RALGAPA1: variants seen among roughly 807,000 people sequenced by gnomAD.
The protein encoded by RALGAPA1 is Ral GTPase activating protein catalytic subunit alpha 1, also known as ral GTPase-activating protein subunit alpha-1.
RALGAPA1 carries 52 observed loss-of-function variants against 269.6 expected under a neutral mutation model. The observed-to-expected ratio is 0.19, with a 90% confidence interval of 0.15 to 0.24. The LOEUF is 0.24. Ranked by LOEUF, RALGAPA1 falls within the 10% of genes least tolerant of loss-of-function variation. The pLI is 1.00. For missense variants in RALGAPA1, 1,917 were observed against 3,013.9 expected (o/e 0.64, Z 8.52); for synonymous variants, 817 against 1,008.3 (o/e 0.81, Z 3.60).
chr14:35,652,545 C>T (rs865847190), intron 30 of RALGAPA1, among the ~76,000 whole-genome samples: 17 of 152,178 alleles, frequency 1.1e-4, no homozygotes, highest in Middle Eastern at 3.4e-3. Flanking sequence ...GCTGGGATTA[C>T]AGGTGTGGGC....
intron 16 of RALGAPA1, chr14:35,716,162 G>C (rs1469927049): frequency 1.2e-6 from 1 of 829,036 alleles, no homozygotes; most frequent in African/African-American, 1.9e-5. Flanking sequence ...GGGAGGCCGA[G>C]GAGGGTGGAT....
chr14:35,602,429 C>T (rs890350550), intron 36 of RALGAPA1, among the ~76,000 whole-genome samples: 2 of 152,142 alleles, frequency 1.3e-5, no homozygotes, highest in Non-Finnish European at 2.9e-5. Context: ...TACATACCTA[C>T]TAGCAGTGTA....
chr14:35,698,695 A>G (rs972062946), intron 17 of RALGAPA1, among the ~76,000 whole-genome samples: 1 of 152,184 alleles, frequency 6.6e-6, no homozygotes, highest in East Asian at 1.9e-4. Context: ...GGAGCAAAAA[A>G]TGTATCCAAG....
At chr14:35,727,654 T>C (rs994957007) in intron 13 of RALGAPA1, among the ~76,000 whole-genome samples, 1 of 151,816 alleles carries the variant, frequency 6.6e-6, no homozygotes, top group Non-Finnish European at 1.5e-5. Context: ...CTTCTAGGGG[T>C]TCTCAGTTCT....
rs180958635 is a variant in RALGAPA1, at chr14:35,621,633, C to T, written c.6929+3728G>A. 2.7e-3 allele frequency among the ~76,000 whole-genome samples: 410 copies of T among 152,036 alleles called. 2 individuals are homozygous for T. Among genetic ancestry groups the T allele is most frequent in the African/African-American group, 7.1e-3 (294 of 41,490 alleles). On this transcript the variant is annotated intron_variant, in intron 35 of 41. Transcript: ENST00000680220. ...TACCCTTCTGACAAAGGGCTAATAC[C>T]CAGAATCTACAATGAACTCAAACAA...
intron 35 of RALGAPA1, among the ~76,000 whole-genome samples, chr14:35,607,241 C>T (rs2059655394): frequency 2.0e-5 from 3 of 152,224 alleles, no homozygotes; most frequent in Admixed American, 6.5e-5. Flanking sequence ...CCTTGCCCCA[C>T]TCCCTCAGCT....
At chr14:35,713,213 T>A (rs1008741346) in intron 16 of RALGAPA1, among the ~76,000 whole-genome samples, 1 of 152,220 alleles carries the variant, frequency 6.6e-6, no homozygotes, top group East Asian at 1.9e-4. Flanking sequence ...AGTGGTGTAC[T>A]GGACCAAGAT....
chr14:35,627,563 C>G lies in RALGAPA1; in HGVS notation c.6384G>C (p.Leu2128Phe), dbSNP rs774057439. Reference sequence around the variant, plus strand: ...AAAGCATGAAAGATGTAGGTTCTGACAAGCCACTTACAGGAGGTGGGCCAT... The same window carrying G: ...AAAGCATGAAAGATGTAGGTTCTGAGAAGCCACTTACAGGAGGTGGGCCAT... ...ILYGPPPVSG[L>F]SEPTSFMLSL... Residue 2128 changes from leucine (L) to phenylalanine (F), a missense_variant, in exon 34 of 42, where the codon TTG (leucine) becomes TTC (phenylalanine). Leu to Phe is a conservative substitution (Grantham distance 22). Around this residue, in one of 11 missense-constraint regions of RALGAPA1, gnomAD observed 346 missense variants for 566.1 expected, o/e 0.61. Coordinates refer to ENST00000680220, the MANE Select transcript of RALGAPA1 (RefSeq NM_001346249.2). The G allele has an allele frequency of 6.3e-7, 1 of 1,576,090 alleles. No homozygotes were observed. Among genetic ancestry groups the G allele is most frequent in the Non-Finnish European group, 8.6e-7 (1 of 1,164,084 alleles).
intron 11 of RALGAPA1, 79 bp from the exon 12 acceptor site, chr14:35,738,729 A>T: frequency 8.5e-7 from 1 of 1,181,418 alleles, no homozygotes; most frequent in Non-Finnish European, 1.2e-6. Flanking sequence ...AAGGTAAATG[A>T]AATTGTTAGG....
intron 35 of RALGAPA1, among the ~76,000 whole-genome samples, chr14:35,622,169 G>C (rs1594854122): frequency 6.6e-6 from 1 of 152,192 alleles, no homozygotes; most frequent in Non-Finnish European, 1.5e-5. Flanking sequence ...ATACACCACG[G>C]AATACTATGC....
At chr14:35,700,832 T>A (rs2067277857) in intron 16 of RALGAPA1, among the ~76,000 whole-genome samples, 2 of 152,200 alleles carry the variant, frequency 1.3e-5, no homozygotes, top group Admixed American at 6.5e-5. Context: ...AGGTAATTCA[T>A]AGTCAAAAGG....
At chr14:35,790,378 G>T (rs909133429) in intron 1 of RALGAPA1, among the ~76,000 whole-genome samples, 1 of 152,038 alleles carries the variant, frequency 6.6e-6, no homozygotes, top group South Asian at 2.1e-4. Flanking sequence ...TGAGGAAATA[G>T]TACCATAGTG....
At chr14:35,756,584 C>A in intron 7 of RALGAPA1, 1 of 321,990 alleles carries the variant, frequency 3.1e-6, no homozygotes, top group Non-Finnish European at 5.8e-6. Context: ...AGGAAATATC[C>A]CCTACCACCA....
At chr14:35,594,871 A>G (rs2058838316) in intron 37 of RALGAPA1, among the ~76,000 whole-genome samples, 1 of 152,142 alleles carries the variant, frequency 6.6e-6, no homozygotes, top group African/African-American at 2.4e-5. Context: ...CTGCAGTATT[A>G]TTCACAATAA....
rs548261759 is a variant in RALGAPA1 at position 35,731,488 on chromosome 14, T to C, written c.1588-2978A>G. On this transcript the variant is annotated intron_variant, in intron 12 of 41. Coordinates refer to ENST00000680220, the MANE Select transcript of RALGAPA1 (RefSeq NM_001346249.2). ...CAGTGCAAGGAAATCCAGAAAATGA[T>C]ACAAGAAGTGAAGGGACAAATATTC... Among the ~76,000 whole-genome samples the C allele has an allele frequency of 1.7e-4, 26 of 152,192 alleles. No homozygotes were observed. In the South Asian group the frequency reaches 3.9e-3, roughly 23 times the overall value.
intron 16 of RALGAPA1, chr14:35,707,006 CT>C (rs2067868889): frequency 6.6e-6 from 1 of 152,058 alleles, no homozygotes; most frequent in South Asian, 2.1e-4. Context: ...CTTATTTATT[CT>C]TTGATTTCTT....
At chr14:35,790,708 C>T (rs1178056637) in intron 1 of RALGAPA1, among the ~76,000 whole-genome samples, 1 of 145,664 alleles carries the variant, frequency 6.9e-6, no homozygotes, top group Non-Finnish European at 1.5e-5. Flanking sequence ...AAAAAAGAAA[C>T]CTTGGAACAA....
At chr14:35,626,187 T>C (rs1471191558) in intron 34 of RALGAPA1, among the ~76,000 whole-genome samples, 1 of 152,106 alleles carries the variant, frequency 6.6e-6, no homozygotes, top group Admixed American at 6.5e-5. Flanking sequence ...TCCCTTCTAA[T>C]AAGAGGCTTT....
chr14:35,742,247 A>G (rs974538552), intron 11 of RALGAPA1, 121 bp downstream of exon 11: 1 of 805,054 alleles, frequency 1.2e-6, no homozygotes, highest in Non-Finnish European at 2.0e-6. Flanking sequence ...TGCAAAATAT[A>G]CTGAAAGATA....
Sources: allele counts gnomAD v4.1 joint callset (sites outside exome capture counted in the v4.1 genomes callset), GRCh38; gene constraint gnomAD v4.1.1; regional missense constraint gnomAD v4.1.1; transcripts MANE v1.5; gene names NCBI Gene and HGNC (gene_info 2026-07-23, HGNC 2026-07-21).